MATN2: variants seen among roughly 807,000 people sequenced by gnomAD.
MATN2 encodes matrilin 2.
A neutral mutation model predicts 103.2 loss-of-function variants in MATN2; 69 were observed. The ratio of observed to expected loss-of-function variants is 0.67; its 90% CI spans 0.55 to 0.82. The LOEUF is 0.82. Among genes scored for constraint, MATN2 ranks in the 40% least tolerant of loss-of-function variants. The pLI is 0.00. For missense variants in MATN2, 1,023 were observed against 1,211.5 expected (o/e 0.84, Z 2.31); for synonymous variants, 429 against 450.2 (o/e 0.95, Z 0.60).
chr8:98,035,690 A>T lies in MATN2; in HGVS notation c.2849A>T (p.Glu950Val). The T allele has an allele frequency of 6.2e-7, 1 of 1,600,394 alleles. No homozygotes were observed. Among genetic ancestry groups the T allele is most frequent in the Non-Finnish European group, 8.5e-7 (1 of 1,171,270 alleles). ...ATGACACAGAGAATGGAAGCCCTGG[A>T]AAATCGCCTGAGATACAGATGAAGA... ...EEMTQRMEAL[E>V]NRLRYR Residue 950 changes from glutamate (E) to valine (V), a missense_variant, in exon 19 of 19, where the codon GAA becomes GTA. Coordinates refer to ENST00000254898, the MANE Select transcript of MATN2 (RefSeq NM_002380.5).
rs767105770 is a variant in MATN2 at position 97,941,810 on chromosome 8, G to C, written c.746G>C (p.Cys249Ser). ...AHMCSTLEHN[C>S]AHFCINIPGS... ...ATGTGCAGCACCCTGGAGCATAACT[G>C]TGCCCACTTCTGCATCAACATCCCT... is the stretch of plus-strand genomic sequence containing the variant. Residue 249 changes from cysteine (C) to serine (S), a missense_variant, in exon 4 of 19, where the codon TGT (cysteine) becomes TCT (serine). Coordinates refer to ENST00000254898, the MANE Select transcript of MATN2 (RefSeq NM_002380.5). 1.7e-5 allele frequency: 28 copies of C among 1,609,858 alleles called. No homozygotes were observed. Among genetic ancestry groups the C allele is most frequent in the Non-Finnish European group, 2.4e-5 (28 of 1,178,136 alleles).
chr8:97,876,072 G>A lies in MATN2; in HGVS notation c.-27+6785G>A, dbSNP rs190618527. Among the ~76,000 whole-genome samples, 3 of 151,994 alleles carry A rather than the reference G, an allele frequency of 2.0e-5. No homozygotes were observed. In the East Asian group the frequency reaches 5.8e-4, roughly 29 times the overall value. ...GTCTGACTGTCGCCCAGGCTGGAGT[G>A]CAGTGGCATGATCCTAGCTCACTGC... On this transcript the variant is annotated intron_variant, in intron 1 of 18. Transcript: ENST00000254898.
In MATN2 at chr8:97,979,015, T is replaced by A. The variant is rs1811938325; in HGVS notation, c.1081+7T>A. 1.9e-6 allele frequency: 3 copies of A among 1,608,766 alleles called. No homozygotes were observed. The highest frequency in any genetic ancestry group is 1.7e-6 in the Non-Finnish European group (2 of 1,177,324). On this transcript the variant is annotated splice_region_variant and intron_variant, in intron 6 of 18. Transcript: ENST00000254898. ...GATAAAAAAACGTGCACAAGTAAGTTACACACACATGCACACACAGAGAAA... is the reference window on the plus strand; with the variant it reads ...GATAAAAAAACGTGCACAAGTAAGTAACACACACATGCACACACAGAGAAA...
rs547826140 is a variant in MATN2 at position 97,908,257 on chromosome 8, C to CA, written c.142+20027dup. ...GGGCAACAAGAGTGAAACTCTATCT[C>CA]AAAAAAAAAAAAGTCACTTTGTAAG... is the stretch of plus-strand genomic sequence containing the variant. On this transcript the variant is annotated intron_variant, in intron 2 of 18. Transcript: ENST00000254898. Among the ~76,000 whole-genome samples, 199 of 141,840 alleles carry CA rather than the reference C, an allele frequency of 1.4e-3. 2 individuals are homozygous for CA. The highest frequency in any genetic ancestry group is 0.013 in the South Asian group (60 of 4,472). The allele number at this position is 141,840 out of a possible 152,430, so 93.1% of individuals were successfully genotyped here. A position where few individuals can be genotyped will look rare whatever the true frequency, so the allele number is the denominator to read the frequency against.
At chr8:97,888,353 T>A (rs1482900799) in intron 2 of MATN2, 111 bp downstream of exon 2, 1 of 1,277,552 alleles carries the variant, frequency 7.8e-7, no homozygotes, top group African/African-American at 1.5e-5. Context: ...TGGGTCCTTG[T>A]TGGATGTGCT....
intron 14 of MATN2, among the ~76,000 whole-genome samples, chr8:98,029,050 G>C (rs1282909607): frequency 6.6e-6 from 1 of 152,220 alleles, no homozygotes; most frequent in Non-Finnish European, 1.5e-5. Context: ...CTTGCTGAGT[G>C]AATGAAGAAA....
At chr8:97,938,922 T>G (rs1371922294) in intron 3 of MATN2, among the ~76,000 whole-genome samples, 1 of 152,198 alleles carries the variant, frequency 6.6e-6, no homozygotes, top group Non-Finnish European at 1.5e-5. Context: ...TCGCTGTGTC[T>G]GCAGTGGCAC....
intron 1 of MATN2, among the ~76,000 whole-genome samples, chr8:97,882,359 A>G (rs1563642700): frequency 6.6e-6 from 1 of 151,838 alleles, no homozygotes; most frequent in Non-Finnish European, 1.5e-5. Flanking sequence ...AGAAGATTTC[A>G]TGTTAGTTTT....
At chr8:98,033,267 G>A in intron 17 of MATN2, 91 bp downstream of exon 17, 1 of 1,158,732 alleles carries the variant, frequency 8.6e-7, no homozygotes, top group South Asian at 1.8e-5. Context: ...AAGGAAAGAA[G>A]GAAGTAGGAA....
chr8:97,875,262 C>A (rs541724876), intron 1 of MATN2, among the ~76,000 whole-genome samples: 2 of 152,152 alleles, frequency 1.3e-5, no homozygotes, highest in Admixed American at 6.5e-5. Flanking sequence ...AATAACCACC[C>A]CCTTCCAGAA....
At chr8:97,909,716 G>A (rs1168522361) in intron 2 of MATN2, among the ~76,000 whole-genome samples, 1 of 152,212 alleles carries the variant, frequency 6.6e-6, no homozygotes, top group African/African-American at 2.4e-5. Flanking sequence ...CTTTAGTGGG[G>A]CCATTGAAAC....
intron 3 of MATN2, among the ~76,000 whole-genome samples, chr8:97,939,397 A>C (rs886237579): frequency 1.3e-5 from 2 of 152,200 alleles, no homozygotes; most frequent in African/African-American, 4.8e-5. Context: ...AAACAAAAAA[A>C]CCACGGTGCT....
At chr8:97,927,767 A>G (rs1810035630) in intron 2 of MATN2, among the ~76,000 whole-genome samples, 1 of 152,166 alleles carries the variant, frequency 6.6e-6, no homozygotes, top group Non-Finnish European at 1.5e-5. Context: ...TTAGCACACA[A>G]TTCTCCATGG....
intron 1 of MATN2, among the ~76,000 whole-genome samples, chr8:97,880,479 G>C (rs776636149): frequency 6.6e-6 from 1 of 152,164 alleles, no homozygotes. Context: ...CAGCTGCAAG[G>C]TTACTAGACA....
intron 2 of MATN2, among the ~76,000 whole-genome samples, chr8:97,908,150 A>C (rs558438261): frequency 6.6e-6 from 1 of 152,094 alleles, no homozygotes; most frequent in East Asian, 1.9e-4. Flanking sequence ...ATAATTGGGT[A>C]GTTGGCTGAG....
chr8:97,920,978 G>A (rs1379303743), intron 2 of MATN2, among the ~76,000 whole-genome samples: 2 of 152,164 alleles, frequency 1.3e-5, no homozygotes, highest in East Asian at 3.9e-4. Flanking sequence ...TGCCATCCTG[G>A]CTCCATATTT....
chr8:97,939,315 C>G (rs886834905), intron 3 of MATN2, among the ~76,000 whole-genome samples: 2 of 152,180 alleles, frequency 1.3e-5, no homozygotes, highest in East Asian at 3.8e-4. Flanking sequence ...CTGAGGAACA[C>G]TAGACGGCGC....
intron 2 of MATN2, among the ~76,000 whole-genome samples, chr8:97,914,346 T>C (rs1809548958): frequency 7.8e-6 from 1 of 127,792 alleles, no homozygotes; most frequent in Non-Finnish European, 1.6e-5. Context: ...TTTGTCCTAA[T>C]AAAATCCAGA....
At chr8:97,981,627 G>T (rs766983645) in intron 6 of MATN2, among the ~76,000 whole-genome samples, 1 of 152,202 alleles carries the variant, frequency 6.6e-6, no homozygotes, top group Admixed American at 6.5e-5. Flanking sequence ...AAGGAGACCA[G>T]TTAGACCAGA....
Sources: allele counts gnomAD v4.1 joint callset (sites outside exome capture counted in the v4.1 genomes callset), GRCh38; gene constraint gnomAD v4.1.1; transcripts MANE v1.5; gene names NCBI Gene and HGNC (gene_info 2026-07-23, HGNC 2026-07-21).